SAMMSON: variants seen among roughly 807,000 people sequenced by gnomAD.
SAMMSON encodes the protein survival associated mitochondrial melanoma specific oncogenic non-coding RNA, also known as long intergenic non-protein coding RNA 1212.
chr3:70,427,698 A>G (rs938368014), intron 2 of SAMMSON, among the ~76,000 whole-genome samples: 3 of 149,382 alleles, frequency 2.0e-5, no homozygotes, highest in Non-Finnish European at 4.4e-5. Flanking sequence ...AGATCGCGCC[A>G]CTGCGCTCCA....
At chr3:70,076,162 G>A (rs559296042) in intron 4 of SAMMSON, among the ~76,000 whole-genome samples, 91 of 152,110 alleles carry the variant, frequency 6.0e-4, no homozygotes, top group Non-Finnish European at 1.2e-3. Flanking sequence ...AAACTCCAAA[G>A]CAAATCTAAT....
chr3:70,424,488 T>C (rs2106776175), intron 2 of SAMMSON, among the ~76,000 whole-genome samples: 1 of 152,320 alleles, frequency 6.6e-6, no homozygotes, highest in South Asian at 2.1e-4. Flanking sequence ...ATACCAAGTT[T>C]TTTTTTAATT....
At chr3:70,114,785 T>A (rs2067403800) in intron 4 of SAMMSON, among the ~76,000 whole-genome samples, 2 of 152,210 alleles carry the variant, frequency 1.3e-5, no homozygotes, top group Admixed American at 1.3e-4. Context: ...GGTTCAATTA[T>A]AATATAGGAT....
chr3:70,422,450 A>T (rs1701321064), intron 2 of SAMMSON, among the ~76,000 whole-genome samples: 1 of 152,072 alleles, frequency 6.6e-6, no homozygotes, highest in South Asian at 2.1e-4. Context: ...AATCTTTCAG[A>T]TAATGAAATT....
At chr3:70,025,265 A>G (rs1333913745) in intron 3 of SAMMSON, 2 of 151,980 alleles carry the variant, frequency 1.3e-5, no homozygotes, top group Non-Finnish European at 2.9e-5. Flanking sequence ...TTTTTTTGAG[A>G]TGGAGTTTCA....
At chr3:70,129,384 G>A (rs1188585952) in intron 4 of SAMMSON, among the ~76,000 whole-genome samples, 1 of 152,138 alleles carries the variant, frequency 6.6e-6, no homozygotes, top group Non-Finnish European at 1.5e-5. Flanking sequence ...GGATACTGAT[G>A]TTTAAGCAAA....
intron 4 of SAMMSON, among the ~76,000 whole-genome samples, chr3:70,179,587 C>T (rs532051529): frequency 1.2e-4 from 19 of 152,304 alleles, no homozygotes; most frequent in Admixed American, 8.5e-4. Flanking sequence ...TGCTGAAAGC[C>T]AGTAAGTTTC....
intron 7 of SAMMSON, among the ~76,000 whole-genome samples, chr3:70,327,446 A>G (rs531610925): frequency 6.6e-6 from 1 of 152,164 alleles, no homozygotes; most frequent in South Asian, 2.1e-4. Context: ...AGAGTCTGGT[A>G]GTAGGCCAGA....
chr3:70,205,514 T>A (rs58135458), intron 4 of SAMMSON: 31,453 of 152,024 alleles, frequency 0.21, 3,388 homozygotes, highest in Non-Finnish European at 0.24. Flanking sequence ...TTGAGTACCT[T>A]CTGTGTACCA....
chr3:70,141,346 C>G (rs1036170857), intron 4 of SAMMSON, among the ~76,000 whole-genome samples: 3 of 152,138 alleles, frequency 2.0e-5, no homozygotes, highest in Non-Finnish European at 4.4e-5. Context: ...ACCAGGAGTA[C>G]CAATGCCCAA....
rs919802801 is a variant in SAMMSON at position 70,095,902 on chromosome 3, A to G, written n.507+24337A>G. ...ATCTCAATGCATATCACTGACACAT[A>G]TAAGATTATTGCCACATTACCACAA... On this transcript the variant is annotated intron_variant and non_coding_transcript_variant, in intron 4 of 9. Coordinates refer to ENST00000642114, the Ensembl canonical transcript of SAMMSON. 2.0e-5 allele frequency: 3 copies of G among 152,338 alleles called. No homozygotes were observed. The South Asian group carries it at 6.2e-4, about 32-fold the overall frequency. The allele number at this position is 152,338 out of a possible 1,614,324, so 9.4% of individuals were successfully genotyped here.
At chr3:70,421,856 T>G (rs928761649) in intron 2 of SAMMSON, among the ~76,000 whole-genome samples, 3 of 152,088 alleles carry the variant, frequency 2.0e-5, no homozygotes, top group African/African-American at 7.2e-5. Flanking sequence ...CCCTAGAGAT[T>G]TCCATTCCTT....
intron 7 of SAMMSON, among the ~76,000 whole-genome samples, chr3:70,319,518 T>C (rs958001827): frequency 1.3e-5 from 2 of 152,092 alleles, no homozygotes; most frequent in Non-Finnish European, 2.9e-5. Context: ...AATCACACAG[T>C]AGAGATAGTC....
chr3:70,123,422 C>G (rs2067443300), intron 4 of SAMMSON, among the ~76,000 whole-genome samples: 1 of 152,178 alleles, frequency 6.6e-6, no homozygotes, highest in Non-Finnish European at 1.5e-5. Context: ...AGATGCCTGC[C>G]ACCACGCCTA....
chr3:70,036,400 C>A (rs1329960282), intron 3 of SAMMSON, among the ~76,000 whole-genome samples: 1 of 152,126 alleles, frequency 6.6e-6, no homozygotes, highest in Non-Finnish European at 1.5e-5. Context: ...TGTCTGCTCA[C>A]ATGGTTTGAA....
At chr3:70,256,561 A>G (rs1417406406) in intron 6 of SAMMSON, among the ~76,000 whole-genome samples, 1 of 152,226 alleles carries the variant, frequency 6.6e-6, no homozygotes, top group Admixed American at 6.5e-5. Flanking sequence ...TTAATACAAT[A>G]TTGGAAAACC....
At chr3:70,201,692 T>A (rs1311148322) in intron 4 of SAMMSON, among the ~76,000 whole-genome samples, 1 of 152,180 alleles carries the variant, frequency 6.6e-6, no homozygotes, top group Non-Finnish European at 1.5e-5. Flanking sequence ...CCAACCTGCC[T>A]TCCATAATAT....
chr3:70,279,467 A>G (rs1702059705), intron 6 of SAMMSON, among the ~76,000 whole-genome samples: 1 of 152,004 alleles, frequency 6.6e-6, no homozygotes, highest in Non-Finnish European at 1.5e-5. Flanking sequence ...TTTTCTCTTC[A>G]TCCCCTGTAC....
chr3:70,252,414 G>T (rs1701778421), intron 6 of SAMMSON, among the ~76,000 whole-genome samples: 1 of 152,182 alleles, frequency 6.6e-6, no homozygotes, highest in African/African-American at 2.4e-5. Flanking sequence ...GGTCTTAACT[G>T]AGGACATAAA....
Sources: allele counts gnomAD v4.1 joint callset (sites outside exome capture counted in the v4.1 genomes callset), GRCh38; gene constraint gnomAD v4.1.1; transcripts MANE v1.5; gene names NCBI Gene and HGNC (gene_info 2026-07-23, HGNC 2026-07-21).